ABL1: variants seen among roughly 807,000 people sequenced by gnomAD.
The protein encoded by ABL1 is tyrosine-protein kinase ABL1.
ABL1 carries 11 observed loss-of-function variants against 94.7 expected under a neutral mutation model. That is an observed-to-expected ratio of 0.12 (90% CI 0.07 to 0.19). The LOEUF is 0.19. ABL1 is among the 10% of genes least tolerant of loss of function. The probability of loss-of-function intolerance (pLI) is 1.00; values close to 1 mark genes in which losing one functional copy is unlikely to be tolerated. For missense variants in ABL1, 1,082 were observed against 1,489.4 expected (o/e 0.73, Z 4.50); for synonymous variants, 656 against 622.4 (o/e 1.05, Z -0.80).
chr9:130,843,767 C>G (rs146796354), intron 1 of ABL1, among the ~76,000 whole-genome samples: 1 of 152,008 alleles, frequency 6.6e-6, no homozygotes, highest in African/African-American at 2.4e-5. Flanking sequence ...GCACTTGTCA[C>G]AGTGCAGTCA....
intron 1 of ABL1, among the ~76,000 whole-genome samples, chr9:130,753,206 A>G (rs13300717): frequency 0.31 from 47,027 of 151,148 alleles, 10,379 homozygotes; most frequent in African/African-American, 0.6. Context: ...GCAGTGAGCC[A>G]AGATCGCGCC....
chr9:130,856,444 A>G (rs1830976853), intron 3 of ABL1, among the ~76,000 whole-genome samples: 1 of 151,930 alleles, frequency 6.6e-6, no homozygotes. Context: ...CTAGTCTCAA[A>G]CTATTGAGCT....
At chr9:130,789,618 A>G (rs1419836815) in intron 1 of ABL1, among the ~76,000 whole-genome samples, 1 of 152,222 alleles carries the variant, frequency 6.6e-6, no homozygotes, top group African/African-American at 2.4e-5. Context: ...AGATATTGGA[A>G]ATATTGAATA....
intron 1 of ABL1, among the ~76,000 whole-genome samples, chr9:130,754,407 C>T (rs1212012709): frequency 4.6e-4 from 68 of 146,950 alleles, no homozygotes; most frequent in Non-Finnish European, 5.0e-4. Context: ...ACTCGGGAGG[C>T]TGAGGCAGGA....
chr9:130,759,062 C>T (rs888514541), intron 1 of ABL1, among the ~76,000 whole-genome samples: 4 of 152,066 alleles, frequency 2.6e-5, no homozygotes, highest in Admixed American at 6.6e-5. Context: ...CACTTTTTGT[C>T]GCACATCACA....
At position 130,887,624 on chromosome 9, in the gene ABL1, C is replaced by T. The variant is rs1215657178; in HGVS notation, c.*1941C>T. 2 of 230,092 alleles carry T rather than the reference C, an allele frequency of 8.7e-6. No homozygotes were observed. The highest frequency in any genetic ancestry group is 4.4e-5 in the African/African-American group (2 of 45,058). 14.3% of individuals were successfully genotyped at this position (230,092 alleles called of 1,614,324 possible). ...TGATTCTCTGTGGTTTTTTTTGAAT[C>T]CAAATCTGTCCTCTGTAGTATTTTT... On this transcript the variant is annotated 3_prime_UTR_variant, in exon 11 of 11. Transcript: ENST00000318560.
intron 1 of ABL1, among the ~76,000 whole-genome samples, chr9:130,752,351 G>A (rs994910576): frequency 5.9e-5 from 9 of 152,092 alleles, no homozygotes; most frequent in Non-Finnish European, 1.2e-4. Flanking sequence ...AGGTTTCATG[G>A]TACCAGCATC....
intron 7 of ABL1, among the ~76,000 whole-genome samples, chr9:130,875,647 C>T (rs1204392708): frequency 6.6e-6 from 1 of 152,152 alleles, no homozygotes; most frequent in Non-Finnish European, 1.5e-5. Flanking sequence ...TAATATGTTC[C>T]TCTGACTTCA....
intron 4 of ABL1, among the ~76,000 whole-genome samples, chr9:130,867,925 A>G (rs958901836): frequency 5.5e-5 from 8 of 145,750 alleles, no homozygotes; most frequent in East Asian, 2.0e-4. Flanking sequence ...GTCTAACTCT[A>G]TCCCTCCAGT....
In ABL1 at chr9:130,880,400, T is replaced by A; in HGVS notation, c.1514-100T>A. On this transcript the variant is annotated intron_variant, in intron 9 of 10. Coordinates refer to ENST00000318560, the MANE Select transcript of ABL1 (RefSeq NM_005157.6). This position sits in a 1 kb window ranked among gnomAD's most constrained non-coding sequence, Gnocchi z 4.4. ...TGCCTTTTCTTTAGTTGTATGCAGA[T>A]GAGCACTGTTACCTTACAAAGAAAG... 7.1e-7 allele frequency: 1 copy of A among 1,410,800 alleles called. No homozygotes were observed. The highest frequency in any genetic ancestry group is 2.3e-5 in the East Asian group (1 of 43,592). The allele number at this position is 1,410,800 out of a possible 1,614,324, so 87.4% of individuals were successfully genotyped here. A position where few individuals can be genotyped will look rare whatever the true frequency, so the allele number is the denominator to read the frequency against.
intron 1 of ABL1, among the ~76,000 whole-genome samples, chr9:130,813,072 G>A (rs1035491284): frequency 2.6e-5 from 4 of 152,102 alleles, no homozygotes; most frequent in Non-Finnish European, 4.4e-5. Flanking sequence ...AAAATTAGCT[G>A]TGTGTAGTGG....
chr9:130,872,011 A>T lies in ABL1; in HGVS notation c.823-118A>T. 1.2e-6 allele frequency: 1 copy of T among 818,920 alleles called. No homozygotes were observed. Among genetic ancestry groups the T allele is most frequent in the South Asian group, 1.8e-5 (1 of 56,218 alleles). 50.7% of individuals were successfully genotyped at this position (818,920 alleles called of 1,614,324 possible). A position where few individuals can be genotyped will look rare whatever the true frequency, so the allele number is the denominator to read the frequency against. ...CTGTCTGCAGCAATGTGGCTGTCACAAAACGCAGCCCAGGACGAGTATGCG... is the reference window on the plus strand; with the variant it reads ...CTGTCTGCAGCAATGTGGCTGTCACTAAACGCAGCCCAGGACGAGTATGCG... On this transcript the variant is annotated intron_variant, in intron 4 of 10. Transcript: ENST00000318560. This position sits in a 1 kb window ranked among gnomAD's most constrained non-coding sequence, Gnocchi z 5.0.
At chr9:130,820,419 G>A (rs1290962525) in intron 1 of ABL1, among the ~76,000 whole-genome samples, 2 of 152,216 alleles carry the variant, frequency 1.3e-5, no homozygotes, top group African/African-American at 4.8e-5. Flanking sequence ...TCTTCACTGT[G>A]CTGGATTGCT....
intron 1 of ABL1, among the ~76,000 whole-genome samples, chr9:130,782,303 C>T (rs140873131): frequency 7.9e-5 from 12 of 152,258 alleles, no homozygotes; most frequent in East Asian, 5.8e-4. Context: ...TCAAGTGATC[C>T]GCCTGCCTTG....
intron 1 of ABL1, among the ~76,000 whole-genome samples, chr9:130,780,043 T>A (rs904023580): frequency 6.6e-6 from 1 of 152,076 alleles, no homozygotes; most frequent in Non-Finnish European, 1.5e-5. Flanking sequence ...CCCAGCACTT[T>A]GGGAGGCCGA....
intron 1 of ABL1, among the ~76,000 whole-genome samples, chr9:130,761,289 C>G (rs1338941007): frequency 2.0e-5 from 3 of 152,076 alleles, no homozygotes; most frequent in African/African-American, 7.2e-5. Flanking sequence ...TTTTTATGAC[C>G]ATTCACAGCC....
chr9:130,854,645 T>C (rs1830945349), intron 2 of ABL1, among the ~76,000 whole-genome samples, 156 bp from the exon 3 acceptor site: 1 of 152,236 alleles, frequency 6.6e-6, no homozygotes, highest in Non-Finnish European at 1.5e-5. Context: ...ACGTGAATTC[T>C]CATACACTTA....
chr9:130,864,007 G>C (rs1157319896), intron 4 of ABL1, among the ~76,000 whole-genome samples: 2 of 152,096 alleles, frequency 1.3e-5, no homozygotes, highest in Non-Finnish European at 2.9e-5. Flanking sequence ...TGCCTTTTAG[G>C]GACTCCTTGA....
intron 1 of ABL1, among the ~76,000 whole-genome samples, chr9:130,811,782 C>T (rs948441577): frequency 4.0e-5 from 6 of 151,586 alleles, no homozygotes; most frequent in African/African-American, 7.3e-5. Context: ...GGTGGTGGCA[C>T]CTGCCCGTAA....
Sources: gnomAD v4.1 joint callset for allele counts (sites outside exome capture counted in the v4.1 genomes callset) on GRCh38, gnomAD v4.1.1 for gene constraint, Gnocchi (gnomAD v3.1) non-coding constraint, MANE v1.5 for transcripts, NCBI Gene and HGNC (gene_info 2026-07-23, HGNC 2026-07-21) for gene names.